The following TRIO variants were observed in gnomAD, a reference collection of about 807,000 sequenced individuals.
The protein encoded by TRIO is triple functional domain protein.
A neutral mutation model predicts 351.9 loss-of-function variants in TRIO; 58 were observed. That is an observed-to-expected ratio of 0.16 (90% confidence interval 0.13 to 0.21). The LOEUF (loss-of-function observed/expected upper bound fraction) is 0.21. Among genes scored for constraint, TRIO ranks in the 10% least tolerant of loss-of-function variants. TRIO has a pLI of 1.00. For synonymous variants in TRIO, 1,758 were observed against 1,595.7 expected (o/e 1.10, Z -2.42); for missense variants, 3,201 against 4,027.8 (o/e 0.79, Z 5.56).
At chr5:14,278,430 C>T (rs30621) in intron 2 of TRIO, among the ~76,000 whole-genome samples, 34,162 of 152,120 alleles carry the variant, frequency 0.22, 4,173 homozygotes, top group East Asian at 0.4. Context: ...AATCAAACAT[C>T]ATGCTGCATT....
At chr5:14,491,986 C>T (rs1315068466) in intron 48 of TRIO, among the ~76,000 whole-genome samples, 1 of 152,174 alleles carries the variant, frequency 6.6e-6, no homozygotes, top group East Asian at 1.9e-4. Context: ...GATCGATTTA[C>T]GTTCAGGGGT....
Position 14,297,220 on chromosome 5 carries a change from C to T in TRIO, c.1325C>T (p.Thr442Ile). ...GCGGCAGCCCTGGATGAGCGGAGCA[C>T]CTTGCTGGACATGTCCTCCATTTTC... Reference protein sequence around the residue: ...AFAAALDERSTLLDMSSIFHQ... With the variant: ...AFAAALDERSILLDMSSIFHQ... Residue 442 changes from threonine to isoleucine, a missense_variant, in exon 7 of 57, where the codon ACC becomes ATC. By Grantham distance (89) the Thr-to-Ile change is moderately conservative. Around this residue, in one of 19 missense-constraint regions of TRIO, gnomAD observed 349 missense variants for 449.3 expected, o/e 0.78. Coordinates refer to ENST00000344204, the MANE Select transcript of TRIO (RefSeq NM_007118.4). 1 of 1,614,168 alleles carries T rather than the reference C, an allele frequency of 6.2e-7. No homozygotes were observed. The highest frequency in any genetic ancestry group is 1.1e-5 in the South Asian group (1 of 91,082).
At chr5:14,285,012 C>T (rs1407257009) in intron 3 of TRIO, among the ~76,000 whole-genome samples, 1 of 152,068 alleles carries the variant, frequency 6.6e-6, no homozygotes, top group Admixed American at 6.5e-5. Flanking sequence ...CATTAGAGCC[C>T]AAGGAAGTCT....
intron 28 of TRIO, among the ~76,000 whole-genome samples, chr5:14,394,824 TAA>T (rs1265639019): frequency 6.6e-6 from 1 of 152,232 alleles, no homozygotes; most frequent in Non-Finnish European, 1.5e-5. Flanking sequence ...GAATTTGTGC[TAA>T]GAGTTGTCAC....
chr5:14,468,558 G>A (rs1328312426), intron 37 of TRIO, among the ~76,000 whole-genome samples: 1 of 152,218 alleles, frequency 6.6e-6, no homozygotes. Context: ...TTCAAGAGAA[G>A]CATCACCCTG....
chr5:14,375,108 C>G (rs1355728133), intron 19 of TRIO, among the ~76,000 whole-genome samples: 1 of 152,222 alleles, frequency 6.6e-6, no homozygotes, highest in Non-Finnish European at 1.5e-5. Context: ...TCATCTGATT[C>G]ATCTGTTAGT....
intron 1 of TRIO, among the ~76,000 whole-genome samples, chr5:14,156,512 CAT>C (rs1788109628): frequency 6.6e-6 from 1 of 152,048 alleles, no homozygotes; most frequent in African/African-American, 2.4e-5. Context: ...TGATAAAAAC[CAT>C]ATGTTTAGAC....
At chr5:14,445,954 C>A (rs1336138301) in intron 34 of TRIO, among the ~76,000 whole-genome samples, 1 of 152,252 alleles carries the variant, frequency 6.6e-6, no homozygotes, top group Non-Finnish European at 1.5e-5. Flanking sequence ...CACGCAGGGG[C>A]GGTCTGCTTA....
chr5:14,384,126 T>C (rs1746346790), intron 21 of TRIO, among the ~76,000 whole-genome samples: 2 of 152,140 alleles, frequency 1.3e-5, no homozygotes, highest in Admixed American at 1.3e-4. Flanking sequence ...ACTCCAAACC[T>C]AGTGACGTAG....
chr5:14,477,652 AT>A (rs1212117074), intron 41 of TRIO, among the ~76,000 whole-genome samples: 1 of 152,208 alleles, frequency 6.6e-6, no homozygotes, highest in African/African-American at 2.4e-5. Context: ...GCAATACGGA[AT>A]CTGAAAACCT....
chr5:14,296,596 A>G (rs1396011638), intron 6 of TRIO, among the ~76,000 whole-genome samples: 1 of 152,210 alleles, frequency 6.6e-6, no homozygotes, highest in Non-Finnish European at 1.5e-5. Flanking sequence ...ACTTGGGCAT[A>G]TGTAGAAAGG....
chr5:14,440,154 A>G (rs150611203), intron 34 of TRIO, among the ~76,000 whole-genome samples: 4,345 of 152,298 alleles, frequency 0.029, 85 homozygotes, highest in South Asian at 0.047. Flanking sequence ...GACATGAGAA[A>G]AATTATTAAT....
At chr5:14,247,009 C>A (rs1794477211) in intron 1 of TRIO, among the ~76,000 whole-genome samples, 1 of 152,234 alleles carries the variant, frequency 6.6e-6, no homozygotes, top group African/African-American at 2.4e-5. Context: ...TCTGTCCACA[C>A]CAGCAATGTG....
chr5:14,476,866 G>A (rs1194249153), intron 40 of TRIO, 28 bp from the exon 41 acceptor site: 1 of 1,588,908 alleles, frequency 6.3e-7, no homozygotes, highest in Non-Finnish European at 8.6e-7. Context: ...ACTGGAAATA[G>A]TTCTAATATT....
chr5:14,441,994 A>G (rs1272516367), intron 34 of TRIO, among the ~76,000 whole-genome samples: 1 of 152,210 alleles, frequency 6.6e-6, no homozygotes, highest in Non-Finnish European at 1.5e-5. Context: ...CTTTGAGGAA[A>G]AGGCAACAGG....
At chr5:14,199,195 C>CAA (rs58856067) in intron 1 of TRIO, among the ~76,000 whole-genome samples, 3,476 of 73,820 alleles carry the variant, frequency 0.047, 262 homozygotes, top group African/African-American at 0.092. Context: ...GAGTGGGACT[C>CAA]AAAAAAAAAA....
At chr5:14,251,369 T>C (rs1351870249) in intron 1 of TRIO, among the ~76,000 whole-genome samples, 1 of 152,196 alleles carries the variant, frequency 6.6e-6, no homozygotes, top group Non-Finnish European at 1.5e-5. Flanking sequence ...GGGCAGCACG[T>C]AACCTGACAG....
At chr5:14,404,694 T>C (rs745669884) in intron 31 of TRIO, among the ~76,000 whole-genome samples, 20 of 152,044 alleles carry the variant, frequency 1.3e-4, no homozygotes, top group Non-Finnish European at 2.4e-4. Context: ...CCAGAAGACA[T>C]TGGTTTTCCT....
chr5:14,210,720 A>G (rs919550216), intron 1 of TRIO, among the ~76,000 whole-genome samples: 3 of 152,112 alleles, frequency 2.0e-5, no homozygotes, highest in Non-Finnish European at 2.9e-5. Flanking sequence ...TTTTTCCATC[A>G]GTTATTGTAG....
Sources: gnomAD v4.1 joint callset for allele counts (sites outside exome capture counted in the v4.1 genomes callset) on GRCh38, gnomAD v4.1.1 for gene constraint, gnomAD v4.1.1 regional missense constraint, MANE v1.5 for transcripts, NCBI Gene and HGNC (gene_info 2026-07-23, HGNC 2026-07-21) for gene names.